The following BTBD8 variants were observed in gnomAD, a reference collection of about 807,000 sequenced individuals.
The protein encoded by BTBD8 is BTB domain containing 8, also known as BTB/POZ domain-containing protein 8.
In BTBD8, 110 loss-of-function variants were observed where a neutral mutation model predicts 162.9. That is an observed-to-expected ratio of 0.68 (90% confidence interval 0.58 to 0.79). The LOEUF is 0.79. BTBD8 is among the 30% of genes least tolerant of loss of function. The probability of loss-of-function intolerance (pLI) is 0.00; values close to 1 mark genes in which losing one functional copy is unlikely to be tolerated. For synonymous variants in BTBD8, 667 were observed against 716.1 expected (o/e 0.93, Z 1.10); for missense variants, 1,905 against 2,085.4 (o/e 0.91, Z 1.68).
Position 92,169,025 on chromosome 1 carries a change from T to C in BTBD8, c.1573+30T>C, listed in dbSNP as rs1213265319. On this transcript the variant is annotated intron_variant, in intron 12 of 17. Transcript: ENST00000636805. ...GTTAGCCTTGAGATATTTCAATTCT[T>C]ATGTAATGATCATTGTGACAGCAGA... The C allele has an allele frequency of 4.0e-6, 6 of 1,492,410 alleles. No individual in the cohort carries two copies. In the East Asian group the frequency reaches 1.5e-4, roughly 37 times the overall value. 92.4% of individuals were successfully genotyped at this position (1,492,410 alleles called of 1,614,324 possible).
intron 9 of BTBD8, among the ~76,000 whole-genome samples, chr1:92,149,371 C>CT (rs1649994970): frequency 1.3e-5 from 2 of 152,136 alleles, no homozygotes; most frequent in Admixed American, 1.3e-4. Flanking sequence ...CATATCCCCT[C>CT]TTTTAGAAGG....
intron 4 of BTBD8, chr1:92,115,221 CCA>C (rs1157709152): frequency 2.0e-6 from 1 of 494,266 alleles, no homozygotes; most frequent in Non-Finnish European, 4.0e-6. Context: ...AGCCATCACA[CCA>C]CAGTTTCCCA....
intron 9 of BTBD8, among the ~76,000 whole-genome samples, chr1:92,148,076 T>C (rs746306859): frequency 6.6e-6 from 1 of 152,102 alleles, no homozygotes; most frequent in Non-Finnish European, 1.5e-5. Flanking sequence ...GGCTCAGCAG[T>C]ATTGACCCAC....
At chr1:92,146,930 T>C (rs996116601) in intron 7 of BTBD8, among the ~76,000 whole-genome samples, 13 of 152,158 alleles carry the variant, frequency 8.5e-5, no homozygotes, top group African/African-American at 3.1e-4. Flanking sequence ...TGTTTAGGTT[T>C]TTGTGTAGAA....
chr1:92,102,793 T>A, intron 3 of BTBD8, 124 bp downstream of exon 3: 1 of 867,732 alleles, frequency 1.2e-6, no homozygotes, highest in Non-Finnish European at 1.6e-6. Context: ...CATGGAGAAC[T>A]GAAAACACTA....
intron 1 of BTBD8, among the ~76,000 whole-genome samples, chr1:92,087,119 A>G (rs1455576225): frequency 6.6e-6 from 1 of 152,220 alleles, no homozygotes; most frequent in African/African-American, 2.4e-5. Flanking sequence ...AACAAAATAT[A>G]CTTGAAACTG....
chr1:92,115,392 T>C, intron 4 of BTBD8: 2 of 483,464 alleles, frequency 4.1e-6, no homozygotes, highest in Non-Finnish European at 4.1e-6. Context: ...TTTATACTTC[T>C]TATGGCTCAT....
intron 5 of BTBD8, among the ~76,000 whole-genome samples, chr1:92,137,901 A>G (rs1557452982): frequency 6.6e-6 from 1 of 152,208 alleles, no homozygotes; most frequent in South Asian, 2.1e-4. Context: ...TAGAATTACA[A>G]TTCAGAGCCT....
intron 4 of BTBD8, among the ~76,000 whole-genome samples, chr1:92,113,520 C>T (rs1648952158): frequency 6.6e-6 from 1 of 152,198 alleles, no homozygotes; most frequent in African/African-American, 2.4e-5. Context: ...AAAAGTTGGG[C>T]AAGGCCATTA....
At chr1:92,163,121 A>C (rs1650304808) in intron 9 of BTBD8, among the ~76,000 whole-genome samples, 1 of 151,850 alleles carries the variant, frequency 6.6e-6, no homozygotes, top group Non-Finnish European at 1.5e-5. Flanking sequence ...TTGGGAGGCC[A>C]AGTCAGGCAG....
Position 92,146,741 on chromosome 1 carries a change from A to G in BTBD8, c.931-439A>G, listed in dbSNP as rs139129213. Among the ~76,000 whole-genome samples, 268 of 152,204 alleles carry G rather than the reference A, an allele frequency of 1.8e-3. 3 individuals are homozygous for G. The highest frequency in any genetic ancestry group is 5.9e-3 in the African/African-American group (245 of 41,534). ...CTTTTCAGATTGGCTTCTTCCACTT[A>G]GTGATATGCATTTAAGATCCCCCCA... On this transcript the variant is annotated intron_variant, in intron 7 of 17. Transcript: ENST00000636805.
Position 92,184,100 on chromosome 1 carries a change from TC to T in BTBD8, c.5151del (p.Val1718PhefsTer5). 1 of 1,551,686 alleles carries T rather than the reference TC, an allele frequency of 6.4e-7. No homozygotes were observed. Among genetic ancestry groups the T allele is most frequent in the Non-Finnish European group, 8.7e-7 (1 of 1,146,888 alleles). On this transcript the variant is annotated frameshift_variant, in exon 18 of 18. Coordinates refer to ENST00000636805, the MANE Select transcript of BTBD8 (RefSeq NM_001376131.1). LOFTEE classifies it high-confidence loss of function. Reference sequence around the variant, plus strand: ...GGATTCAAACTTAGATGTTACAAATTCCGTTCCTGAAGACTTAAGTTTAGCA... The same window carrying T: ...GGATTCAAACTTAGATGTTACAAATTCGTTCCTGAAGACTTAAGTTTAGCA... ...EQDSNLDVTN[S>X]VPEDLSLAQY...
intron 12 of BTBD8, among the ~76,000 whole-genome samples, chr1:92,169,356 T>G (rs765405536): frequency 2.0e-5 from 3 of 152,192 alleles, no homozygotes; most frequent in Non-Finnish European, 4.4e-5. Flanking sequence ...TTTAAATATG[T>G]TTTGTCATAA....
intron 2 of BTBD8, among the ~76,000 whole-genome samples, chr1:92,098,132 T>C (rs901019550): frequency 8.5e-5 from 13 of 152,194 alleles, no homozygotes; most frequent in African/African-American, 3.1e-4. Flanking sequence ...CTATTGCTTG[T>C]ATAAACAGTT....
intron 5 of BTBD8, among the ~76,000 whole-genome samples, chr1:92,138,265 T>C (rs1199633716): frequency 2.6e-5 from 4 of 152,232 alleles, no homozygotes; most frequent in Non-Finnish European, 4.4e-5. Flanking sequence ...ATAATCAACT[T>C]ACACAACACC....
At chr1:92,087,510 T>C (rs1193706040) in intron 1 of BTBD8, among the ~76,000 whole-genome samples, 1 of 152,224 alleles carries the variant, frequency 6.6e-6, no homozygotes, top group Non-Finnish European at 1.5e-5. Context: ...CTCTGAAGCA[T>C]TTGTTTTGTC....
chr1:92,121,164 T>G (rs1445009950), intron 4 of BTBD8, among the ~76,000 whole-genome samples: 1 of 152,236 alleles, frequency 6.6e-6, no homozygotes, highest in African/African-American at 2.4e-5. Flanking sequence ...TCCATTCTTT[T>G]GTTAATGTGC....
intron 2 of BTBD8, among the ~76,000 whole-genome samples, chr1:92,091,453 GTGTGTGTGTGTATGTGTA>G (rs1015003439): frequency 6.6e-6 from 1 of 151,636 alleles, no homozygotes; most frequent in African/African-American, 2.4e-5. Flanking sequence ...ATACACTCGT[GTGTGTGTGTGTATGTGTA>G]TGTGTGTGTG....
At chr1:92,081,358 C>G (rs1271412950) in intron 1 of BTBD8, among the ~76,000 whole-genome samples, 1 of 152,160 alleles carries the variant, frequency 6.6e-6, no homozygotes, top group East Asian at 1.9e-4. Flanking sequence ...GGGAATCCAG[C>G]TAAAGTAATT....
Sources: gnomAD v4.1 joint callset for allele counts (sites outside exome capture counted in the v4.1 genomes callset) on GRCh38, gnomAD v4.1.1 for gene constraint, MANE v1.5 for transcripts, NCBI Gene and HGNC (gene_info 2026-07-23, HGNC 2026-07-21) for gene names.